ARHGEF26: variants seen among roughly 807,000 people sequenced by gnomAD.
ARHGEF26 encodes Rho guanine nucleotide exchange factor 26.
ARHGEF26 carries 59 observed loss-of-function variants against 89.4 expected under a neutral mutation model. The observed-to-expected ratio is 0.66, with a 90% CI of 0.54 to 0.82. The LOEUF (loss-of-function observed/expected upper bound fraction) is 0.82, where lower values mean the gene tolerates loss of function less well. ARHGEF26 is among the 40% of genes least tolerant of loss of function. ARHGEF26 has a pLI of 0.00. For synonymous variants in ARHGEF26, 500 were observed against 428.4 expected, an observed-to-expected ratio of 1.17 and a Z score of -2.06; for missense variants, 1,234 against 1,085.6, an observed-to-expected ratio of 1.14 and a Z score of -1.92.
chr3:154,233,022 G>A (rs1333374746), intron 11 of ARHGEF26, among the ~76,000 whole-genome samples: 11 of 151,614 alleles, frequency 7.3e-5, no homozygotes, highest in South Asian at 2.1e-4. Context: ...TAGTAAAGAC[G>A]GGGTTTTACC....
intron 10 of ARHGEF26, among the ~76,000 whole-genome samples, chr3:154,219,147 TTCTC>T (rs1194838440): frequency 2.0e-5 from 3 of 152,218 alleles, no homozygotes; most frequent in Admixed American, 1.3e-4. Context: ...CAGAATCTCG[TTCTC>T]TCTAATTTGT....
intron 4 of ARHGEF26, among the ~76,000 whole-genome samples, chr3:154,142,718 C>T (rs547279914): frequency 8.5e-5 from 13 of 152,254 alleles, no homozygotes; most frequent in African/African-American, 2.4e-4. Flanking sequence ...TCTTTTCTTC[C>T]GCAAGAGAGG....
At chr3:154,210,965 C>G (rs1326990252) in intron 9 of ARHGEF26, among the ~76,000 whole-genome samples, 1 of 151,448 alleles carries the variant, frequency 6.6e-6, no homozygotes, top group African/African-American at 2.4e-5. Flanking sequence ...AAAAATTTGT[C>G]TGGGAGGTGG....
intron 6 of ARHGEF26, among the ~76,000 whole-genome samples, chr3:154,163,101 T>A (rs1711769048): frequency 6.6e-6 from 1 of 152,204 alleles, no homozygotes. Flanking sequence ...CTTTCTTAAA[T>A]GTATATCTAG....
At chr3:154,209,282 T>C (rs1476478225) in intron 9 of ARHGEF26, among the ~76,000 whole-genome samples, 1 of 152,184 alleles carries the variant, frequency 6.6e-6, no homozygotes, top group East Asian at 1.9e-4. Flanking sequence ...TTAGTTCATT[T>C]GGTGAAGTCA....
intron 6 of ARHGEF26, among the ~76,000 whole-genome samples, chr3:154,158,303 C>T (rs1346525774): frequency 6.6e-6 from 1 of 152,178 alleles, no homozygotes; most frequent in Admixed American, 6.5e-5. Context: ...AGTCCTTTGG[C>T]TGTAAAGGGT....
intron 6 of ARHGEF26, among the ~76,000 whole-genome samples, chr3:154,170,638 A>G (rs1202645968): frequency 1.3e-5 from 2 of 152,210 alleles, no homozygotes; most frequent in African/African-American, 2.4e-5. Flanking sequence ...TGTGTGTAAA[A>G]TGGAGATGAT....
At position 154,209,258 on chromosome 3, in the gene ARHGEF26, C is replaced by T. The variant is rs527296521; in HGVS notation, c.1846-8611C>T. Among the ~76,000 whole-genome samples the T allele has an allele frequency of 2.0e-5, 3 of 152,218 alleles. No homozygotes were observed. In the South Asian group the frequency reaches 6.2e-4, roughly 32 times the overall value. The stretch of plus-strand genomic sequence containing the variant: ...ATATGTGTGTTTCTCCAGGATTGGT[C>T]CCTGGTTCCTTATTTAGTTCATTTG... On this transcript the variant is annotated intron_variant, in intron 9 of 14. Coordinates refer to ENST00000465093, the MANE Select transcript of ARHGEF26 (RefSeq NM_015595.4).
chr3:154,248,477 A>C (rs1717928153), intron 12 of ARHGEF26, among the ~76,000 whole-genome samples: 1 of 152,210 alleles, frequency 6.6e-6, no homozygotes, highest in Non-Finnish European at 1.5e-5. Flanking sequence ...ATACATGGAA[A>C]CATTTTATTT....
intron 8 of ARHGEF26, among the ~76,000 whole-genome samples, chr3:154,192,789 A>G (rs546474858): frequency 1.3e-5 from 2 of 152,214 alleles, no homozygotes; most frequent in African/African-American, 4.8e-5. Context: ...AGACTTTTGA[A>G]TTTTCAGGGT....
At chr3:154,183,101 G>A (rs1425986972) in intron 6 of ARHGEF26, among the ~76,000 whole-genome samples, 10 of 152,186 alleles carry the variant, frequency 6.6e-5, no homozygotes, top group African/African-American at 2.4e-4. Context: ...TATCTGCACA[G>A]CTGAGGAGCT....
intron 1 of ARHGEF26, among the ~76,000 whole-genome samples, 163 bp from the exon 2 acceptor site, chr3:154,121,779 C>T (rs1248048074): frequency 6.6e-6 from 1 of 152,178 alleles, no homozygotes; most frequent in East Asian, 1.9e-4. Flanking sequence ...TGCCGGGAAC[C>T]GCGCACCGCA....
intron 8 of ARHGEF26, among the ~76,000 whole-genome samples, chr3:154,193,053 A>AC (rs34507627): frequency 0.17 from 26,017 of 151,662 alleles, 2,778 homozygotes; most frequent in East Asian, 0.4. Context: ...TAAGCCACAG[A>AC]CCCCCCCTTG....
intron 4 of ARHGEF26, among the ~76,000 whole-genome samples, chr3:154,143,045 A>G (rs557416303): frequency 6.6e-6 from 1 of 152,338 alleles, no homozygotes; most frequent in African/African-American, 2.4e-5. Flanking sequence ...ACCTTTAAAC[A>G]GTTCTACTTG....
At chr3:154,196,877 T>C (rs1328398051) in intron 9 of ARHGEF26, among the ~76,000 whole-genome samples, 1 of 149,942 alleles carries the variant, frequency 6.7e-6, no homozygotes, top group East Asian at 2.0e-4. Context: ...TGGTTGTTAC[T>C]AAGAAATTGA....
At chr3:154,254,626 G>A in intron 13 of ARHGEF26, 94 bp from the exon 14 acceptor site, 1 of 942,752 alleles carries the variant, frequency 1.1e-6, no homozygotes, top group Non-Finnish European at 1.6e-6. Flanking sequence ...TGCTGGCCCT[G>A]AATTGCAGAG....
chr3:154,243,177 T>C (rs1717579051), intron 12 of ARHGEF26, among the ~76,000 whole-genome samples: 1 of 152,212 alleles, frequency 6.6e-6, no homozygotes, highest in Admixed American at 6.5e-5. Flanking sequence ...TTATATGACT[T>C]TAAGGATGAG....
intron 11 of ARHGEF26, among the ~76,000 whole-genome samples, chr3:154,227,475 G>C (rs1016903606): frequency 5.9e-5 from 9 of 151,692 alleles, no homozygotes; most frequent in Admixed American, 2.6e-4. Flanking sequence ...TGGAGATGGG[G>C]TTTCACCATG....
intron 4 of ARHGEF26, 102 bp from the exon 5 acceptor site, chr3:154,149,287 C>A: frequency 2.8e-6 from 2 of 724,184 alleles, no homozygotes; most frequent in South Asian, 2.8e-5. Context: ...ATAGTTTCTC[C>A]TAATTCATTT....
Sources: gnomAD v4.1 joint callset for allele counts (sites outside exome capture counted in the v4.1 genomes callset) on GRCh38, gnomAD v4.1.1 for gene constraint, MANE v1.5 for transcripts, NCBI Gene and HGNC (gene_info 2026-07-23, HGNC 2026-07-21) for gene names.